FBXO9: variants seen among roughly 807,000 people sequenced by gnomAD.
FBXO9 encodes the protein F-box only protein 9.
In FBXO9, 43 loss-of-function variants were observed where a neutral mutation model predicts 63.7. That is an observed-to-expected ratio of 0.67 (90% CI 0.53 to 0.87). FBXO9 has a LOEUF of 0.87. Among genes scored for constraint, FBXO9 ranks in the 40% least tolerant of loss-of-function variants. The pLI is 0.00. For synonymous variants in FBXO9, 156 were observed against 171.7 expected (o/e 0.91, Z 0.72); for missense variants, 442 against 533.2 (o/e 0.83, Z 1.68).
intron 1 of FBXO9, chr6:53,067,788 A>G (rs1768760791): frequency 6.6e-6 from 1 of 152,214 alleles, no homozygotes; most frequent in Non-Finnish European, 1.5e-5. Flanking sequence ...TCTTAGTAGG[A>G]AAAGCTCCCA....
chr6:53,075,870 A>C (rs1769089743), intron 3 of FBXO9, among the ~76,000 whole-genome samples: 1 of 149,838 alleles, frequency 6.7e-6, no homozygotes, highest in Admixed American at 6.7e-5. Context: ...CAGCCTCCAG[A>C]GTAGCTGAGA....
Position 53,071,082 on chromosome 6 carries a change from C to A in FBXO9, c.29C>A (p.Ser10Tyr). 6.3e-7 allele frequency: 1 copy of A among 1,575,158 alleles called. No homozygotes were observed. Among genetic ancestry groups the A allele is most frequent in the Non-Finnish European group, 8.6e-7 (1 of 1,158,410 alleles). The stretch of plus-strand genomic sequence containing the variant: ...GCAGAAGCTGAGGAAGATTGTCATT[C>A]TGATACTGTCAGAGCAGATGATGAT... MAEAEEDCHSDTVRADDDEE... is the reference protein window; with the variant it reads MAEAEEDCHYDTVRADDDEE... Residue 10 changes from serine (S) to tyrosine (Y), a missense_variant, in exon 2 of 13, where the codon TCT becomes TAT. By Grantham distance (144) the Ser-to-Tyr change is moderately radical. This residue lies in a region of FBXO9 where 180 missense variants were observed against 171.1 expected (regional missense o/e 1.05). Coordinates refer to ENST00000323557, the MANE Select transcript of FBXO9 (RefSeq NM_033480.3).
intron 1 of FBXO9, chr6:53,070,803 G>A (rs1002174693): frequency 1.9e-5 from 8 of 417,544 alleles, no homozygotes; most frequent in Admixed American, 1.2e-4. Flanking sequence ...AAATTTGGCG[G>A]GGGGGAAATG....
chr6:53,089,096 C>T (rs1363588972), intron 7 of FBXO9, among the ~76,000 whole-genome samples: 7 of 147,858 alleles, frequency 4.7e-5, no homozygotes, highest in South Asian at 4.3e-4. Context: ...TTTTTCCAGG[C>T]GGAGTGTCGC....
intron 7 of FBXO9, among the ~76,000 whole-genome samples, chr6:53,089,264 A>T (rs1358908187): frequency 6.6e-6 from 1 of 151,684 alleles, no homozygotes; most frequent in Non-Finnish European, 1.5e-5. Context: ...TTTAGTAGAG[A>T]TGGGGTTTCA....
At chr6:53,092,238 A>G in intron 7 of FBXO9, 191 bp from the exon 8 acceptor site, 1 of 542,708 alleles carries the variant, frequency 1.8e-6, no homozygotes, top group East Asian at 3.1e-5. Flanking sequence ...TACTACCAGA[A>G]GCTTTCCTCT....
chr6:53,092,294 A>G (rs1177874963), intron 7 of FBXO9, 135 bp from the exon 8 acceptor site: 2 of 642,686 alleles, frequency 3.1e-6, no homozygotes, highest in Non-Finnish European at 5.5e-6. Context: ...TGCCTTGTCC[A>G]TTAGTTTCTC....
At chr6:53,081,190 G>C (rs1018624708) in intron 6 of FBXO9, 92 bp downstream of exon 6, 5 of 1,237,282 alleles carry the variant, frequency 4.0e-6, no homozygotes, top group Non-Finnish European at 5.7e-6. Context: ...CCAGATAACT[G>C]CTGCTTTAGT....
chr6:53,081,256 G>A (rs549723419), intron 6 of FBXO9, among the ~76,000 whole-genome samples, 158 bp downstream of exon 6: 1 of 152,250 alleles, frequency 6.6e-6, no homozygotes, highest in East Asian at 1.9e-4. Context: ...CTATTAAGCT[G>A]TTTTGTGTTT....
rs1368230132 is a variant in FBXO9 at position 53,065,737 on chromosome 6, G to A, written c.-53G>A. 1 of 1,422,272 alleles carries A rather than the reference G, an allele frequency of 7.0e-7. No homozygotes were observed. The highest frequency in any genetic ancestry group is 3.0e-5 in the East Asian group (1 of 33,192). 88.1% of individuals were successfully genotyped at this position (1,422,272 alleles called of 1,614,324 possible). Reference sequence around the variant, plus strand: ...ACCCAGCACCCCTCCTCCGGGGGGCGGTGCAGAGGGGGCACGGAGAGCCCC... The same window carrying A: ...ACCCAGCACCCCTCCTCCGGGGGGCAGTGCAGAGGGGGCACGGAGAGCCCC... On this transcript the variant is annotated 5_prime_UTR_variant, in exon 1 of 13. Coordinates refer to ENST00000323557, the MANE Select transcript of FBXO9 (RefSeq NM_033480.3).
intron 7 of FBXO9, among the ~76,000 whole-genome samples, chr6:53,085,124 G>A (rs1428260446): frequency 1.3e-5 from 2 of 152,040 alleles, no homozygotes; most frequent in African/African-American, 2.4e-5. Flanking sequence ...AATCAAGTAG[G>A]GAGAAAAAGC....
chr6:53,079,781 T>G (rs1352082147), intron 5 of FBXO9, among the ~76,000 whole-genome samples: 1 of 152,170 alleles, frequency 6.6e-6, no homozygotes, highest in Non-Finnish European at 1.5e-5. Context: ...GTCACCTTTA[T>G]TGATAACATA....
In FBXO9 at chr6:53,078,860, T is replaced by C. The variant is rs1769209013; in HGVS notation, c.369T>C (p.Tyr123=). The change falls in exon 5 of 13, where the codon TAT becomes TAC. Residue 123 remains tyrosine, a synonymous_variant. Transcript: ENST00000323557. ...LVPDIEFKIT[Y]TRSPDGDGVG... ...CTGATATAGAGTTCAAGATTACTTA[T>C]ACCCGGTCTCCAGATGGTGATGGCG... is the stretch of plus-strand genomic sequence containing the variant. The C allele has an allele frequency of 5.0e-6, 8 of 1,613,910 alleles. No homozygotes were observed. The highest frequency in any genetic ancestry group is 1.1e-5 in the South Asian group (1 of 91,088).
At chr6:53,076,658 A>G (rs1196170604) in intron 4 of FBXO9, 115 bp downstream of exon 4, 21 of 750,334 alleles carry the variant, frequency 2.8e-5, no homozygotes, top group Non-Finnish European at 3.6e-5. Flanking sequence ...TTCTTAATAC[A>G]TTCTTCCTTC....
chr6:53,086,992 T>A (rs1434153435), intron 7 of FBXO9, among the ~76,000 whole-genome samples: 2 of 152,018 alleles, frequency 1.3e-5, no homozygotes, highest in African/African-American at 4.8e-5. Context: ...TGAGCTATGA[T>A]CATGCCACAC....
At chr6:53,087,425 A>AG (rs1554185671) in intron 7 of FBXO9, among the ~76,000 whole-genome samples, 2 of 152,020 alleles carry the variant, frequency 1.3e-5, no homozygotes, top group Non-Finnish European at 2.9e-5. Context: ...GAAAAAATTA[A>AG]GAGGAGTTGA....
chr6:53,075,734 ATTATTTT>A (rs1281814249), intron 3 of FBXO9, among the ~76,000 whole-genome samples: 9 of 82,180 alleles, frequency 1.1e-4, no homozygotes, highest in Admixed American at 3.7e-4. Context: ...TATATATATA[ATTATTTT>A]TTTTTTTTTT....
intron 6 of FBXO9, 56 bp from the exon 7 acceptor site, chr6:53,082,448 T>C: frequency 8.7e-7 from 1 of 1,151,328 alleles, no homozygotes; most frequent in Non-Finnish European, 1.3e-6. Context: ...GGGAATGTAG[T>C]TGTGACAATA....
Position 53,065,551 on chromosome 6 carries a change from G to A in FBXO9, c.-239G>A. ...CGTCCCTCCACTCCCCGAGTCCCCGGCAGCCGCCGCCACCCCAGCGCGCCC... is the reference window on the plus strand; with the variant it reads ...CGTCCCTCCACTCCCCGAGTCCCCGACAGCCGCCGCCACCCCAGCGCGCCC... On this transcript the variant is annotated 5_prime_UTR_variant, in exon 1 of 13. Coordinates refer to ENST00000323557, the MANE Select transcript of FBXO9 (RefSeq NM_033480.3). 1 of 414,208 alleles carries A rather than the reference G, an allele frequency of 2.4e-6. No homozygotes were observed. Among genetic ancestry groups the A allele is most frequent in the Non-Finnish European group, 4.2e-6 (1 of 239,642 alleles). The allele number at this position is 414,208 out of a possible 1,614,324, so 25.7% of individuals were successfully genotyped here.
Sources: gnomAD v4.1 joint callset for allele counts (sites outside exome capture counted in the v4.1 genomes callset) on GRCh38, gnomAD v4.1.1 for gene constraint, gnomAD v4.1.1 regional missense constraint, MANE v1.5 for transcripts, NCBI Gene and HGNC (gene_info 2026-07-23, HGNC 2026-07-21) for gene names.